The following OSBPL9 variants were observed in gnomAD, a reference collection of about 807,000 sequenced individuals.
OSBPL9 encodes oxysterol-binding protein-related protein 9.
OSBPL9 carries 40 observed loss-of-function variants against 106.6 expected under a neutral mutation model. That is an observed-to-expected ratio of 0.38 (90% CI 0.29 to 0.49). The LOEUF (loss-of-function observed/expected upper bound fraction) is 0.49. Ranked by LOEUF, OSBPL9 falls within the 20% of genes least tolerant of loss-of-function variation. OSBPL9 has a pLI of 0.97. For synonymous variants in OSBPL9, 269 were observed against 295.4 expected (o/e 0.91, Z 0.92); for missense variants, 609 against 887.2 (o/e 0.69, Z 3.98).
intron 1 of OSBPL9, among the ~76,000 whole-genome samples, chr1:51,650,452 A>G (rs1438546609): frequency 6.6e-6 from 1 of 152,250 alleles, no homozygotes; most frequent in Non-Finnish European, 1.5e-5. Context: ...TAAATGCTTA[A>G]GGAATGTTTT....
chr1:51,636,152 GTTTTTTTT>G (rs35303378), intron 1 of OSBPL9, among the ~76,000 whole-genome samples: 1 of 64,116 alleles, frequency 1.6e-5, no homozygotes, highest in Non-Finnish European at 3.2e-5. Context: ...TCTCTCTCTT[GTTTTTTTT>G]TTTTTTTTTT....
intron 3 of OSBPL9, among the ~76,000 whole-genome samples, chr1:51,699,602 G>C (rs1656809073): frequency 6.6e-6 from 1 of 152,060 alleles, no homozygotes; most frequent in Non-Finnish European, 1.5e-5. Flanking sequence ...CATTCTTTAA[G>C]TATTTCCTTA....
At chr1:51,655,052 T>C (rs1048072830) in intron 2 of OSBPL9, among the ~76,000 whole-genome samples, 31 of 152,314 alleles carry the variant, frequency 2.0e-4, no homozygotes, top group East Asian at 1.9e-4. Context: ...CACTGAACTA[T>C]ACACTTAGAA....
the OSBPL9 span, among the ~76,000 whole-genome samples, chr1:51,551,768 T>C: frequency 6.6e-6 from 1 of 151,674 alleles, no homozygotes; most frequent in South Asian, 2.1e-4. Flanking sequence ...TTTTTTTGTA[T>C]TTTTCATAGG....
rs185813323 is a variant in OSBPL9 at position 51,729,554 on chromosome 1, G to A, written c.318+15475G>A. 6.6e-3 allele frequency: 1,058 copies of A among 160,064 alleles called. 8 individuals carry two copies. The highest frequency in any genetic ancestry group is 0.011 in the Non-Finnish European group (834 of 73,506). The allele number at this position is 160,064 out of a possible 1,614,324, so 9.9% of individuals were successfully genotyped here. A position where few individuals can be genotyped will look rare whatever the true frequency, so the allele number is the denominator to read the frequency against. ...GCGCACTCCCCCAAGGTGAACCCCC[G>A]CCCCCCACGGAGGCGGCTGGGTCGC... is the stretch of plus-strand genomic sequence containing the variant. On this transcript the variant is annotated intron_variant, in intron 4 of 23. Coordinates refer to ENST00000428468, the MANE Select transcript of OSBPL9 (RefSeq NM_024586.6). The surrounding 1 kb of genome is among the most constrained non-coding windows in gnomAD (Gnocchi z 5.1).
chr1:51,703,814 A>G (rs1353596339), intron 3 of OSBPL9, among the ~76,000 whole-genome samples: 1 of 152,226 alleles, frequency 6.6e-6, no homozygotes, highest in Admixed American at 6.5e-5. Context: ...CTTCCCATCA[A>G]CACCTAATTT....
chr1:51,607,782 G>A (rs1428848806), intron 2 of OSBPL9, among the ~76,000 whole-genome samples: 3 of 152,178 alleles, frequency 2.0e-5, no homozygotes, highest in Non-Finnish European at 2.9e-5. Flanking sequence ...TTGGCCAAGG[G>A]GCATATGGCA....
intron 1 of OSBPL9, among the ~76,000 whole-genome samples, chr1:51,590,513 G>A (rs1051181213): frequency 1.3e-5 from 2 of 151,124 alleles, no homozygotes; most frequent in Non-Finnish European, 3.0e-5. Flanking sequence ...CCAGCTACTC[G>A]GGAGGCTGAG....
chr1:51,655,063 A>G (rs1460591846), intron 2 of OSBPL9, among the ~76,000 whole-genome samples: 1 of 152,210 alleles, frequency 6.6e-6, no homozygotes, highest in East Asian at 1.9e-4. Context: ...ACACTTAGAA[A>G]TGGTTGAAAT....
the OSBPL9 span, among the ~76,000 whole-genome samples, chr1:51,558,005 TA>T: frequency 1.3e-5 from 2 of 151,690 alleles, no homozygotes; most frequent in East Asian, 3.9e-4. Flanking sequence ...TAATCTAATT[TA>T]AAAAAAAATC....
chr1:51,787,586 A>G lies in OSBPL9; in HGVS notation c.2136+98A>G. The G allele has an allele frequency of 1.9e-6, 3 of 1,601,614 alleles. 1 individual carries two copies. In the African/African-American group the frequency reaches 4.0e-5, roughly 21 times the overall value. On this transcript the variant is annotated intron_variant, in intron 23 of 23. Coordinates refer to ENST00000428468, the MANE Select transcript of OSBPL9 (RefSeq NM_024586.6). ...GTGCCAAACACTGTTTATAAACAAG[A>G]TGATCGCTGGTCCCTACTTGAAACT...
At chr1:51,653,202 T>G (rs1032401435) in intron 2 of OSBPL9, among the ~76,000 whole-genome samples, 4 of 151,926 alleles carry the variant, frequency 2.6e-5, no homozygotes, top group African/African-American at 7.3e-5. Context: ...TTTTGTTTTT[T>G]TTTTTCTAAA....
At chr1:51,710,148 T>TG (rs1469513799) in intron 3 of OSBPL9, among the ~76,000 whole-genome samples, 2 of 152,166 alleles carry the variant, frequency 1.3e-5, no homozygotes, top group Admixed American at 6.5e-5. Context: ...TATTGATTAC[T>TG]GGGGGTGGGA....
At chr1:51,542,241 T>C in the OSBPL9 span, among the ~76,000 whole-genome samples, 1 of 152,238 alleles carries the variant, frequency 6.6e-6, no homozygotes, top group African/African-American at 2.4e-5. Context: ...TCTGCATTTA[T>C]ACCTCCAGTG....
At chr1:51,669,557 T>C in intron 3 of OSBPL9, 45 bp downstream of exon 3, 1 of 1,574,240 alleles carries the variant, frequency 6.4e-7, no homozygotes, top group Non-Finnish European at 8.7e-7. Context: ...TCCCATCTGC[T>C]TCTTTTCTTC....
chr1:51,520,267 C>A, the OSBPL9 span, among the ~76,000 whole-genome samples: 5 of 152,150 alleles, frequency 3.3e-5, no homozygotes, highest in Non-Finnish European at 5.9e-5. Flanking sequence ...TCGTTCCTGC[C>A]TATATTAAAC....
At chr1:51,660,574 AATAT>A (rs781449320) in intron 2 of OSBPL9, among the ~76,000 whole-genome samples, 28 of 152,196 alleles carry the variant, frequency 1.8e-4, no homozygotes, top group South Asian at 6.2e-4. Flanking sequence ...AAGAAGGTAA[AATAT>A]TGAATGCAAA....
At chr1:51,760,225 T>C (rs1300063253) in intron 9 of OSBPL9, 1 of 154,542 alleles carries the variant, frequency 6.5e-6, no homozygotes, top group Non-Finnish European at 1.4e-5. Flanking sequence ...TCCCCCTGGA[T>C]ACCTGAGGAG....
chr1:51,733,648 A>G (rs1664971107), intron 4 of OSBPL9, among the ~76,000 whole-genome samples: 1 of 152,050 alleles, frequency 6.6e-6, no homozygotes, highest in Admixed American at 6.6e-5. Context: ...GGTGGTGGGC[A>G]TCTGTAAGCC....
Sources: gnomAD v4.1 joint callset for allele counts (sites outside exome capture counted in the v4.1 genomes callset) on GRCh38, gnomAD v4.1.1 for gene constraint, Gnocchi (gnomAD v3.1) non-coding constraint, MANE v1.5 for transcripts, NCBI Gene and HGNC (gene_info 2026-07-23, HGNC 2026-07-21) for gene names.